ERCC6L2: variants seen among roughly 807,000 people sequenced by gnomAD.
ERCC6L2 encodes ERCC excision repair 6 like 2.
A neutral mutation model predicts 132.0 loss-of-function variants in ERCC6L2; 77 were observed. The ratio of observed to expected loss-of-function variants is 0.58; its 90% CI spans 0.49 to 0.71. The LOEUF is 0.71. Among genes scored for constraint, ERCC6L2 ranks in the 30% least tolerant of loss-of-function variants. ERCC6L2 has a pLI of 0.00. For missense variants in ERCC6L2, 1,542 were observed against 1,837.6 expected (o/e 0.84, Z 2.94); for synonymous variants, 583 against 632.4 (o/e 0.92, Z 1.17).
chr9:96,028,446 A>G (rs1834411203), intron 19 of ERCC6L2, among the ~76,000 whole-genome samples: 1 of 152,168 alleles, frequency 6.6e-6, no homozygotes, highest in African/African-American at 2.4e-5. Context: ...AATGAGCCAC[A>G]GGTCTTGTTT....
intron 19 of ERCC6L2, among the ~76,000 whole-genome samples, chr9:96,026,709 C>A (rs896297337): frequency 6.8e-6 from 1 of 147,588 alleles, no homozygotes; most frequent in Non-Finnish European, 1.5e-5. Flanking sequence ...AAACGCCACA[C>A]ACACCCCACA....
chr9:95,907,159 G>C lies in ERCC6L2; in HGVS notation c.676G>C (p.Val226Leu). 1 of 1,613,466 alleles carries C rather than the reference G, an allele frequency of 6.2e-7. No homozygotes were observed. The highest frequency in any genetic ancestry group is 1.1e-5 in the South Asian group (1 of 91,034). Reference sequence around the variant, plus strand: ...CACCTGGGGATATTTCAGAGTCACTGTTTTACATGGAAACAGAAAAGATAA... The same window carrying C: ...CACCTGGGGATATTTCAGAGTCACTCTTTTACATGGAAACAGAAAAGATAA... ...LDTWGYFRVT[V>L]LHGNRKDNEL... The change falls in exon 4 of 19, where the codon GTT becomes CTT. Residue 226 changes from valine (V) to leucine (L), a missense_variant. Val to Leu is a conservative substitution (Grantham distance 32). Around this residue, in one of 4 missense-constraint regions of ERCC6L2, gnomAD observed 945 missense variants for 1,105.2 expected, o/e 0.86. Coordinates refer to ENST00000653738, the MANE Select transcript of ERCC6L2 (RefSeq NM_020207.7).
At chr9:95,919,632 T>C (rs1829767329) in intron 6 of ERCC6L2, among the ~76,000 whole-genome samples, 1 of 152,200 alleles carries the variant, frequency 6.6e-6, no homozygotes, top group Non-Finnish European at 1.5e-5. Context: ...ATATCATGAA[T>C]GTCTGGAAGG....
intron 2 of ERCC6L2, among the ~76,000 whole-genome samples, chr9:95,897,100 C>T (rs1198017798): frequency 6.6e-6 from 1 of 151,956 alleles, no homozygotes; most frequent in Non-Finnish European, 1.5e-5. Context: ...CAGTTATTTT[C>T]TTCCATATGG....
Position 95,928,699 on chromosome 9 carries a change from T to A in ERCC6L2, c.1606-20T>A. On this transcript the variant is annotated intron_variant, in intron 10 of 18. Coordinates refer to ENST00000653738, the MANE Select transcript of ERCC6L2 (RefSeq NM_020207.7). ...CTTAACCAAGATTCATGTTTGCCCATCTTCATACCTCTCGTCTAGTTGCTT... is the reference window on the plus strand; with the variant it reads ...CTTAACCAAGATTCATGTTTGCCCAACTTCATACCTCTCGTCTAGTTGCTT... 4.4e-6 allele frequency: 7 copies of A among 1,583,090 alleles called. No homozygotes were observed. Among genetic ancestry groups the A allele is most frequent in the Non-Finnish European group, 6.0e-6 (7 of 1,168,814 alleles).
intron 9 of ERCC6L2, among the ~76,000 whole-genome samples, chr9:95,926,561 A>G (rs980405009): frequency 6.6e-6 from 1 of 152,198 alleles, no homozygotes; most frequent in African/African-American, 2.4e-5. Context: ...CCAACTATAT[A>G]ATACTATCAA....
intron 12 of ERCC6L2, 84 bp from the exon 13 acceptor site, chr9:95,955,830 T>A (rs1040007654): frequency 1.9e-5 from 12 of 634,540 alleles, no homozygotes; most frequent in Non-Finnish European, 3.0e-5. Context: ...ATTTAATGAT[T>A]TTCCATTTTT....
intron 12 of ERCC6L2, among the ~76,000 whole-genome samples, chr9:95,947,957 A>G (rs1831141991): frequency 6.6e-6 from 1 of 152,216 alleles, no homozygotes; most frequent in Non-Finnish European, 1.5e-5. Context: ...TGATGGAGAT[A>G]TACAAGGAGA....
intron 13 of ERCC6L2, among the ~76,000 whole-genome samples, chr9:95,963,245 T>G (rs1831996521): frequency 6.6e-6 from 1 of 151,814 alleles, no homozygotes; most frequent in Non-Finnish European, 1.5e-5. Context: ...CCAGTTAGCT[T>G]CACTCAAATC....
chr9:95,984,907 A>G (rs1833039596), intron 17 of ERCC6L2, among the ~76,000 whole-genome samples: 2 of 152,190 alleles, frequency 1.3e-5, no homozygotes, highest in Non-Finnish European at 2.9e-5. Context: ...TTGATTAAAT[A>G]TATTACGAAC....
intron 3 of ERCC6L2, among the ~76,000 whole-genome samples, chr9:95,901,618 A>G (rs1828783137): frequency 6.6e-6 from 1 of 152,172 alleles, no homozygotes; most frequent in Non-Finnish European, 1.5e-5. Flanking sequence ...TTTTGCTTTC[A>G]GAGGTGTAGG....
rs571391602 is a variant in ERCC6L2, at chr9:95,968,482, G to T, written c.2100+1768G>T. 3.9e-5 allele frequency: 6 copies of T among 152,200 alleles called. No individual in the cohort carries two copies. The East Asian group carries it at 1.2e-3, about 29-fold the overall frequency. The allele number at this position is 152,200 out of a possible 1,614,324, so 9.4% of individuals were successfully genotyped here. ...ATTGGTTAGATTCATGCTGCTTTGG[G>T]CCAAAAGGTGCTTCTAAATATTATT... On this transcript the variant is annotated intron_variant, in intron 14 of 18. Coordinates refer to ENST00000653738, the MANE Select transcript of ERCC6L2 (RefSeq NM_020207.7).
intron 13 of ERCC6L2, 101 bp downstream of exon 13, chr9:95,956,114 A>G (rs1831587692): frequency 3.7e-6 from 2 of 535,498 alleles, no homozygotes; most frequent in South Asian, 4.3e-5. Context: ...ATCTTACTGT[A>G]TTGCGGAATT....
chr9:96,009,802 A>G (rs1184241433), intron 18 of ERCC6L2, among the ~76,000 whole-genome samples: 2 of 152,238 alleles, frequency 1.3e-5, no homozygotes, highest in Non-Finnish European at 2.9e-5. Context: ...CATGTGGCAT[A>G]GTGTACTTGC....
intron 6 of ERCC6L2, among the ~76,000 whole-genome samples, chr9:95,918,937 G>A (rs1444558366): frequency 6.6e-6 from 1 of 151,850 alleles, no homozygotes; most frequent in Non-Finnish European, 1.5e-5. Flanking sequence ...GCGTGATCTT[G>A]GCTCACTGCA....
At chr9:95,946,035 CAA>C (rs753661983) in intron 12 of ERCC6L2, among the ~76,000 whole-genome samples, 1 of 151,714 alleles carries the variant, frequency 6.6e-6, no homozygotes, top group Non-Finnish European at 1.5e-5. Context: ...GAGATGGTAA[CAA>C]AAATTAAGAA....
chr9:95,984,906 T>C (rs1833039475), intron 17 of ERCC6L2, among the ~76,000 whole-genome samples: 1 of 152,214 alleles, frequency 6.6e-6, no homozygotes, highest in Non-Finnish European at 1.5e-5. Flanking sequence ...ATTGATTAAA[T>C]ATATTACGAA....
chr9:95,928,351 G>T, intron 10 of ERCC6L2: 1 of 447,718 alleles, frequency 2.2e-6, no homozygotes, highest in African/African-American at 2.0e-5. Context: ...CAAACTCAAA[G>T]ATAGATTTTT....
intron 18 of ERCC6L2, among the ~76,000 whole-genome samples, chr9:96,005,693 C>T (rs1161151541): frequency 6.6e-6 from 1 of 151,674 alleles, no homozygotes; most frequent in Non-Finnish European, 1.5e-5. Flanking sequence ...CTGGAGCATG[C>T]CAACCCTTGG....
Sources: gnomAD v4.1 joint callset for allele counts (sites outside exome capture counted in the v4.1 genomes callset) on GRCh38, gnomAD v4.1.1 for gene constraint, gnomAD v4.1.1 regional missense constraint, MANE v1.5 for transcripts, NCBI Gene and HGNC (gene_info 2026-07-23, HGNC 2026-07-21) for gene names.